The following EIF4G3 variants were observed in gnomAD, a reference collection of about 807,000 sequenced individuals.
The protein encoded by EIF4G3 is eukaryotic translation initiation factor 4 gamma 3, also known as eIF-4-gamma 3.
EIF4G3 carries 34 observed loss-of-function variants against 186.4 expected under a neutral mutation model. That is an observed-to-expected ratio of 0.18 (90% CI 0.14 to 0.24). EIF4G3 has a LOEUF of 0.24. EIF4G3 is among the 10% of genes least tolerant of loss of function. The pLI is 1.00. For missense variants in EIF4G3, 1,536 were observed against 1,948.5 expected, an observed-to-expected ratio of 0.79 and a Z score of 3.99; for synonymous variants, 673 against 679.5, an observed-to-expected ratio of 0.99 and a Z score of 0.15.
chr1:20,894,976 T>A (rs965622699), intron 17 of EIF4G3, among the ~76,000 whole-genome samples: 18 of 152,154 alleles, frequency 1.2e-4, no homozygotes, highest in Admixed American at 3.9e-4. Context: ...GCCAAATACC[T>A]TCCTAGATTT....
intron 33 of EIF4G3, among the ~76,000 whole-genome samples, chr1:20,818,900 C>G (rs756143345): frequency 2.0e-5 from 3 of 152,114 alleles, no homozygotes. Flanking sequence ...CTACCACTTA[C>G]GTAGCATCTC....
rs137893199 is a variant in EIF4G3, at chr1:20,842,281, C to T, written c.3889-1253G>A. On this transcript the variant is annotated intron_variant, in intron 29 of 36. Coordinates refer to ENST00000602326, the MANE Select transcript of EIF4G3 (RefSeq NM_001391906.1). ...CTTTACATGTTATGTTGTTCAGATT[C>T]CTTTAATCTAAAATCGTCCTTTCTC... is the stretch of plus-strand genomic sequence containing the variant. Among the ~76,000 whole-genome samples the T allele has an allele frequency of 8.5e-5, 13 of 152,300 alleles. No homozygotes were observed. The East Asian group carries it at 2.5e-3, about 29-fold the overall frequency.
At chr1:20,865,028 G>T in intron 21 of EIF4G3, 88 bp downstream of exon 21, 1 of 1,439,752 alleles carries the variant, frequency 6.9e-7, no homozygotes. Context: ...TCTTAAGGTA[G>T]CAGGGAGATG....
chr1:20,863,952 C>T (rs2077007300), intron 22 of EIF4G3, among the ~76,000 whole-genome samples: 1 of 152,186 alleles, frequency 6.6e-6, no homozygotes, highest in Non-Finnish European at 1.5e-5. Context: ...GGTTTTCTGT[C>T]ACAGCTAAGC....
intron 33 of EIF4G3, among the ~76,000 whole-genome samples, chr1:20,821,020 G>A (rs1032243674): frequency 6.6e-5 from 10 of 152,106 alleles, no homozygotes; most frequent in Non-Finnish European, 1.3e-4. Flanking sequence ...CCCTTCATTT[G>A]TTTGCGTACC....
At chr1:21,135,833 T>A (rs536915075) in intron 2 of EIF4G3, among the ~76,000 whole-genome samples, 15 of 152,212 alleles carry the variant, frequency 9.9e-5, no homozygotes, top group Non-Finnish European at 1.9e-4. Context: ...AGACTTCTAA[T>A]AATAAGTATA....
At chr1:20,889,484 T>G (rs1473428469) in intron 18 of EIF4G3, among the ~76,000 whole-genome samples, 1 of 152,190 alleles carries the variant, frequency 6.6e-6, no homozygotes. Flanking sequence ...ACACAACTGA[T>G]AAGTAATTTT....
chr1:21,116,895 G>A (rs944305195), intron 2 of EIF4G3, among the ~76,000 whole-genome samples: 1 of 150,106 alleles, frequency 6.7e-6, no homozygotes, highest in African/African-American at 2.4e-5. Context: ...ACAAGTATCT[G>A]TTATATTATT....
At chr1:21,033,828 C>T (rs557864968) in intron 4 of EIF4G3, among the ~76,000 whole-genome samples, 3 of 152,250 alleles carry the variant, frequency 2.0e-5, no homozygotes, top group African/African-American at 7.2e-5. Flanking sequence ...TAGCTTATGC[C>T]TGTAATCCCA....
At chr1:20,888,067 A>G (rs1222851339) in intron 18 of EIF4G3, among the ~76,000 whole-genome samples, 12 of 152,214 alleles carry the variant, frequency 7.9e-5, no homozygotes, top group Admixed American at 7.8e-4. Context: ...TAAGAGCCAT[A>G]GATGCACATT....
At position 20,909,773 on chromosome 1, in the gene EIF4G3, T is replaced by C. The variant is rs1007891292; in HGVS notation, c.1664-4802A>G. Among the ~76,000 whole-genome samples the C allele has an allele frequency of 7.3e-5, 11 of 150,298 alleles. No individual in the cohort carries two copies. The East Asian group carries it at 2.2e-3, about 30-fold the overall frequency. On this transcript the variant is annotated intron_variant, in intron 14 of 36. Transcript: ENST00000602326. ...TGTTAAAATTCTTATATAGTCAATC[T>C]GCTAATTTTTTTTTTTTTTTTTTTT...
chr1:21,073,216 C>T (rs2095493050), intron 3 of EIF4G3, among the ~76,000 whole-genome samples: 1 of 152,160 alleles, frequency 6.6e-6, no homozygotes, highest in African/African-American at 2.4e-5. Flanking sequence ...TCAACAGCTC[C>T]TTCTATACAT....
chr1:20,997,776 A>C, intron 6 of EIF4G3, 143 bp from the exon 7 acceptor site: 1 of 640,816 alleles, frequency 1.6e-6, no homozygotes. Flanking sequence ...AAAACAGTCA[A>C]AGCTTTGCTG....
At chr1:21,010,298 T>C (rs1026811100) in intron 4 of EIF4G3, among the ~76,000 whole-genome samples, 4 of 151,578 alleles carry the variant, frequency 2.6e-5, no homozygotes, top group East Asian at 1.9e-4. Flanking sequence ...CTTGCGCCCA[T>C]AGTCCCTGCT....
chr1:20,914,412 C>G (rs957340871), intron 14 of EIF4G3, among the ~76,000 whole-genome samples: 1 of 151,968 alleles, frequency 6.6e-6, no homozygotes, highest in Non-Finnish European at 1.5e-5. Context: ...TGCTGTGTTG[C>G]TGGCTTTGAA....
chr1:20,986,501 G>A (rs745881693), intron 7 of EIF4G3, among the ~76,000 whole-genome samples: 13 of 152,006 alleles, frequency 8.6e-5, no homozygotes, highest in African/African-American at 2.9e-4. Context: ...AGATTGTACC[G>A]ACTGCATGAC....
intron 2 of EIF4G3, among the ~76,000 whole-genome samples, chr1:21,132,904 T>G (rs2097179198): frequency 6.6e-6 from 1 of 152,094 alleles, no homozygotes; most frequent in Non-Finnish European, 1.5e-5. Context: ...TGCCTCAGCC[T>G]CCCGAGTATC....
chr1:21,024,903 A>T (rs1038873415), intron 4 of EIF4G3, among the ~76,000 whole-genome samples: 20 of 147,990 alleles, frequency 1.4e-4, no homozygotes, highest in South Asian at 2.1e-4. Flanking sequence ...AATAAATTTA[A>T]AAAAAAAAAA....
At chr1:20,894,532 C>T (rs183261937) in intron 17 of EIF4G3, among the ~76,000 whole-genome samples, 3 of 152,238 alleles carry the variant, frequency 2.0e-5, no homozygotes, top group East Asian at 1.9e-4. Context: ...CCATTTATGC[C>T]GGAGGCTGCA....
Sources: gnomAD v4.1 joint callset for allele counts (sites outside exome capture counted in the v4.1 genomes callset) on GRCh38, gnomAD v4.1.1 for gene constraint, MANE v1.5 for transcripts, NCBI Gene and HGNC (gene_info 2026-07-23, HGNC 2026-07-21) for gene names.